The following ZFYVE26 variants were observed in gnomAD, a reference collection of about 807,000 sequenced individuals.
ZFYVE26 encodes zinc finger FYVE domain-containing protein 26.
A neutral mutation model predicts 276.5 loss-of-function variants in ZFYVE26; 181 were observed. That is an observed-to-expected ratio of 0.65 (90% CI 0.58 to 0.74). The LOEUF (loss-of-function observed/expected upper bound fraction) is 0.74. ZFYVE26 is among the 30% of genes least tolerant of loss of function. ZFYVE26 has a pLI of 0.00. For missense variants in ZFYVE26, 2,821 were observed against 3,097.9 expected (o/e 0.91, Z 2.12); for synonymous variants, 1,129 against 1,203.1 (o/e 0.94, Z 1.27).
chr14:67,757,430 C>CT (rs2038806983), intron 35 of ZFYVE26, among the ~76,000 whole-genome samples: 1 of 152,186 alleles, frequency 6.6e-6, no homozygotes, highest in Admixed American at 6.5e-5. Context: ...ATCACACCCT[C>CT]TGCCTTCCCC....
At chr14:67,782,702 G>A in intron 21 of ZFYVE26, 78 bp downstream of exon 21, 1 of 1,589,734 alleles carries the variant, frequency 6.3e-7, no homozygotes, top group South Asian at 1.1e-5. Context: ...GTTACCGTGA[G>A]GATTAAATGT....
intron 8 of ZFYVE26, 28 bp downstream of exon 8, chr14:67,805,189 G>A: frequency 3.7e-6 from 6 of 1,605,946 alleles, no homozygotes; most frequent in Non-Finnish European, 5.1e-6. Context: ...CCCTGTGGTG[G>A]GCAGGCGCTG....
Position 67,789,604 on chromosome 14 carries a change from C to G in ZFYVE26, c.2756-6G>C. 6.2e-7 allele frequency: 1 copy of G among 1,614,020 alleles called. No individual in the cohort carries two copies. The highest frequency in any genetic ancestry group is 8.5e-7 in the Non-Finnish European group (1 of 1,180,032). On this transcript the variant is annotated splice_polypyrimidine_tract_variant and splice_region_variant and intron_variant, in intron 15 of 41. Coordinates refer to ENST00000347230, the MANE Select transcript of ZFYVE26 (RefSeq NM_015346.4). ...GATAGAGTAAAACACCATTCCTGGC[C>G]GCCCAGCAGAGGAATAAAAAGCAAA...
rs1478285122 is a variant in ZFYVE26 at position 67,775,162 on chromosome 14, C to A, written c.5222-48G>T. On this transcript the variant is annotated intron_variant, in intron 26 of 41. Coordinates refer to ENST00000347230, the MANE Select transcript of ZFYVE26 (RefSeq NM_015346.4). ...CAAAATATGGTTCTACCATAAGTAT[C>A]TTGATTCACCACCCTAGGCATTTAG... 5 of 1,288,860 alleles carry A rather than the reference C, an allele frequency of 3.9e-6. No homozygotes were observed. The East Asian group carries it at 9.5e-5, about 25-fold the overall frequency. 79.8% of individuals were successfully genotyped at this position (1,288,860 alleles called of 1,614,324 possible). A position where few individuals can be genotyped will look rare whatever the true frequency, so the allele number is the denominator to read the frequency against.
At position 67,809,189 on chromosome 14, in the gene ZFYVE26, C is replaced by G. The variant is rs1427130822; in HGVS notation, c.363+11G>C. ...CAACCCTGGGCAGATGGTACCAGGG[C>G]TCTCTCTCACCTCGAGGATGTTCTC... On this transcript the variant is annotated intron_variant, in intron 4 of 41. Coordinates refer to ENST00000347230, the MANE Select transcript of ZFYVE26 (RefSeq NM_015346.4). 1.2e-6 allele frequency: 2 copies of G among 1,611,746 alleles called. No individual in the cohort carries two copies. The highest frequency in any genetic ancestry group is 2.2e-5 in the South Asian group (2 of 91,048).
chr14:67,769,366 T>C (rs1199117780), intron 29 of ZFYVE26, among the ~76,000 whole-genome samples: 2 of 152,222 alleles, frequency 1.3e-5, no homozygotes, highest in African/African-American at 2.4e-5. Flanking sequence ...AAGAACATCA[T>C]GTAAGAACCT....
In ZFYVE26 at chr14:67,772,064, T is replaced by A. The variant is rs1170313129; in HGVS notation, c.5467A>T (p.Arg1823Trp). The A allele has an allele frequency of 6.2e-7, 1 of 1,611,372 alleles. No homozygotes were observed. Among genetic ancestry groups the A allele is most frequent in the East Asian group, 2.2e-5 (1 of 44,858 alleles). The part of the protein sequence containing the change: ...ETESICMVCC[R>W]EHFTMFNRRH... ...CTGCTTACCATGGTGAAGTGCTCCC[T>A]GCAGCAGACCATGCAGATACTCTCA... The change falls in exon 28 of 42, where the codon AGG (arginine) becomes TGG (tryptophan). Residue 1823 changes from arginine to tryptophan, a missense_variant. Coordinates refer to ENST00000347230, the MANE Select transcript of ZFYVE26 (RefSeq NM_015346.4).
rs369820290 is a variant in ZFYVE26 at position 67,766,322 on chromosome 14, G to A, written c.5916C>T (p.Ala1972=). The change falls in exon 32 of 42, where the codon GCC becomes GCT. Residue 1972 remains alanine, a synonymous_variant. Transcript: ENST00000347230. ...GCTTCATGATGTCCGTGAGCAGCCC[G>A]GCATCCACCTCTGGGTTGGTGAGGC... ...SKGLTNPEVD[A]GLLTDIMKQL... is the part of the protein sequence containing the mutation. 2.4e-5 allele frequency: 39 copies of A among 1,613,386 alleles called. No individual in the cohort carries two copies. The highest frequency in any genetic ancestry group is 2.0e-4 in the South Asian group (18 of 91,038).
At chr14:67,766,996 G>A (rs185038841) in intron 31 of ZFYVE26, among the ~76,000 whole-genome samples, 3 of 152,168 alleles carry the variant, frequency 2.0e-5, no homozygotes, top group Non-Finnish European at 2.9e-5. Flanking sequence ...GCACCACTGC[G>A]CCCAGCCTTG....
At chr14:67,756,909 C>T (rs900715229) in intron 35 of ZFYVE26, among the ~76,000 whole-genome samples, 2 of 152,230 alleles carry the variant, frequency 1.3e-5, no homozygotes, top group Non-Finnish European at 2.9e-5. Flanking sequence ...CTGAATACAT[C>T]TACAACTACA....
chr14:67,801,479 G>C (rs998663172), intron 10 of ZFYVE26, among the ~76,000 whole-genome samples: 1 of 152,110 alleles, frequency 6.6e-6, no homozygotes, highest in African/African-American at 2.4e-5. Context: ...AGGCAAAAAT[G>C]ACCATGCTAA....
rs1252777680 is a variant in ZFYVE26, at chr14:67,768,483, A to C, written c.5653+34T>G. ...AGATAGAGTCAACTTAAGTACACAA[A>C]TGAAGAGTCACAGAGAACGGGATTT... On this transcript the variant is annotated intron_variant, in intron 30 of 41. Transcript: ENST00000347230. 4 of 1,611,742 alleles carry C rather than the reference A, an allele frequency of 2.5e-6. No individual in the cohort carries two copies. The South Asian group carries it at 3.3e-5, about 13-fold the overall frequency.
In ZFYVE26 at chr14:67,751,104, G is replaced by C. The variant is rs1320337326; in HGVS notation, c.7372-8C>G. On this transcript the variant is annotated splice_polypyrimidine_tract_variant and splice_region_variant and intron_variant, in intron 40 of 41. Transcript: ENST00000347230. ...GATCAGGCCCTCCAGCTCCTGTGCA[G>C]AACAGAAACAGCACTGTGAGAGGGA... 1.9e-6 allele frequency: 3 copies of C among 1,614,160 alleles called. No individual in the cohort carries two copies. The highest frequency in any genetic ancestry group is 1.1e-5 in the South Asian group (1 of 91,088).
At chr14:67,752,581 A>C in intron 39 of ZFYVE26, 55 bp from the exon 40 acceptor site, 3 of 1,587,558 alleles carry the variant, frequency 1.9e-6, no homozygotes, top group Non-Finnish European at 2.6e-6. Context: ...AACGGTGGGG[A>C]GGGAGGCAGC....
chr14:67,761,409 C>T lies in ZFYVE26; in HGVS notation c.6545G>A (p.Arg2182Lys), dbSNP rs774110032. ...TNLAIISFYV[R>K]HSCLREALLH... ...AAGAGCTTCCCGCAGGCAGCTGTGC[C>T]TCACGTAGAAGCTGATGATGGCCAG... The change falls in exon 35 of 42, where the codon AGG (arginine) becomes AAG (lysine). Residue 2182 changes from arginine to lysine, a missense_variant. By Grantham distance (26) the Arg-to-Lys change is conservative (BLOSUM62 2). Transcript: ENST00000347230. 6.2e-7 allele frequency: 1 copy of T among 1,614,050 alleles called. No individual in the cohort carries two copies. The highest frequency in any genetic ancestry group is 1.7e-5 in the Admixed American group (1 of 60,002).
At chr14:67,814,429 G>T (rs1181375658) in intron 2 of ZFYVE26, among the ~76,000 whole-genome samples, 1 of 152,172 alleles carries the variant, frequency 6.6e-6, no homozygotes, top group Non-Finnish European at 1.5e-5. Flanking sequence ...TGAGGCAGGA[G>T]AATCGCTTGA....
Position 67,805,266 on chromosome 14 carries a change from C to T in ZFYVE26, c.1222G>A (p.Gly408Arg). The T allele has an allele frequency of 6.2e-7, 1 of 1,614,180 alleles. No individual in the cohort carries two copies. The highest frequency in any genetic ancestry group is 8.5e-7 in the Non-Finnish European group (1 of 1,180,022). ...AGGACCTCCAGGTGAGCCCACAACC[C>T]ATCACAGGCATCCCTGAGGAGCTCA... is the stretch of plus-strand genomic sequence containing the variant. ...CDELLRDACD[G>R]LWAHLEVLEW... Residue 408 changes from glycine to arginine, a missense_variant, in exon 8 of 42, where the codon GGG becomes AGG. Transcript: ENST00000347230.
At position 67,798,150 on chromosome 14, in the gene ZFYVE26, A is replaced by G. The variant is rs12891164; in HGVS notation, c.2112T>C (p.Pro704=). Residue 704 remains proline, a synonymous_variant, in exon 11 of 42, where the codon CCT becomes CCC. Transcript: ENST00000347230. The part of the protein sequence containing the change: ...EQLDEISSRS[P]PEKPKQESQS... The stretch of plus-strand genomic sequence containing the variant: ...GACTTTCTTGCTTTGGCTTCTCAGG[A>G]GGGCTGCGGCTACTGATCTCATCCA... The G allele has an allele frequency of 0.67, 1,081,140 of 1,613,782 alleles. 366,428 individuals carry two copies. The highest frequency in any genetic ancestry group is 0.98 in the East Asian group (43,796 of 44,882).
At chr14:67,793,504 G>T in intron 14 of ZFYVE26, 104 bp downstream of exon 14, 1 of 1,321,756 alleles carries the variant, frequency 7.6e-7, no homozygotes. Context: ...TCTTCTGCTT[G>T]ATGTGGACCC....
Sources: gnomAD v4.1 joint callset for allele counts (sites outside exome capture counted in the v4.1 genomes callset) on GRCh38, gnomAD v4.1.1 for gene constraint, MANE v1.5 for transcripts, NCBI Gene and HGNC (gene_info 2026-07-23, HGNC 2026-07-21) for gene names.